Variants in GALNT15 observed in about 807,000 individuals in gnomAD.
The protein encoded by GALNT15 is UDP-GalNAc transferase T15.
GALNT15 carries 67 observed loss-of-function variants against 66.8 expected under a neutral mutation model. The ratio of observed to expected loss-of-function variants is 1.00; its 90% CI spans 0.82 to 1.23. GALNT15 has a LOEUF of 1.23. Ranked by LOEUF, GALNT15 falls within the 50% of genes most tolerant of loss-of-function variation. The pLI is 0.00. For synonymous variants in GALNT15, 313 were observed against 311.5 expected (o/e 1.00, Z -0.05); for missense variants, 827 against 804.3 (o/e 1.03, Z -0.34).
the GALNT15 span, among the ~76,000 whole-genome samples, chr3:16,240,995 A>T: frequency 6.6e-6 from 1 of 152,106 alleles, no homozygotes; most frequent in Admixed American, 6.6e-5. Context: ...CTCTGCACAG[A>T]ATGCCCTTCC....
In GALNT15 at chr3:16,195,359, CTG is replaced by C. The variant is rs745929739; in HGVS notation, c.540-400_540-399del. 2.6e-5 allele frequency among the ~76,000 whole-genome samples: 4 copies of C among 152,202 alleles called. No homozygotes were observed. The highest frequency in any genetic ancestry group is 5.9e-5 in the Non-Finnish European group (4 of 68,044). On this transcript the variant is annotated intron_variant, in intron 1 of 9. Transcript: ENST00000339732. The surrounding 1 kb of genome is among the most constrained non-coding windows in gnomAD (Gnocchi z 4.6). The stretch of plus-strand genomic sequence containing the variant: ...CAGCCCCACTCCATCTCCAGAAACT[CTG>C]GGGGTGGGCCCTGCAGTCAGTATTT...
Position 16,200,536 on chromosome 3 carries a change from A to G in GALNT15, c.707-83A>G. 10 of 1,134,002 alleles carry G rather than the reference A, an allele frequency of 8.8e-6. No individual in the cohort carries two copies. In the South Asian group the frequency reaches 1.9e-4, roughly 22 times the overall value. The allele number at this position is 1,134,002 out of a possible 1,614,324, so 70.2% of individuals were successfully genotyped here. A position where few individuals can be genotyped will look rare whatever the true frequency, so the allele number is the denominator to read the frequency against. On this transcript the variant is annotated intron_variant, in intron 2 of 9. Coordinates refer to ENST00000339732, the MANE Select transcript of GALNT15 (RefSeq NM_054110.5). This position sits in a 1 kb window ranked among gnomAD's most constrained non-coding sequence, Gnocchi z 4.4. The stretch of plus-strand genomic sequence containing the variant: ...AGGTGCTCACCACAGCTTCCAAAAG[A>G]GAGTTGCTGACGATTGTCTTAGTCA...
Position 16,222,656 on chromosome 3 carries a change from C to G in GALNT15, c.1671C>G (p.Ser557Arg), listed in dbSNP as rs1028986721. 3.7e-6 allele frequency: 6 copies of G among 1,614,224 alleles called. No homozygotes were observed. Among genetic ancestry groups the G allele is most frequent in the Non-Finnish European group, 5.1e-6 (6 of 1,180,042 alleles). ...HTSRKEIHFG[S>R]PQHLCFAVRQ... ...GCAGGAAGGAGATTCACTTTGGCAG[C>G]CCACAGCACCTGTGCTTTGCTGTCA... Residue 557 changes from serine to arginine, a missense_variant, in exon 9 of 10, where the codon AGC (serine) becomes AGG (arginine). Physicochemically the swap from Ser to Arg is moderately radical, Grantham distance 110. Coordinates refer to ENST00000339732, the MANE Select transcript of GALNT15 (RefSeq NM_054110.5).
chr3:16,221,237 A>T (rs544540592), intron 8 of GALNT15, among the ~76,000 whole-genome samples: 2 of 145,862 alleles, frequency 1.4e-5, no homozygotes, highest in South Asian at 2.2e-4. Flanking sequence ...TGCAAAAGGA[A>T]TATTAGCTCT....
Position 16,195,704 on chromosome 3 carries a change from G to A in GALNT15, c.540-56G>A. On this transcript the variant is annotated intron_variant, in intron 1 of 9. Coordinates refer to ENST00000339732, the MANE Select transcript of GALNT15 (RefSeq NM_054110.5). This position sits in a 1 kb window ranked among gnomAD's most constrained non-coding sequence, Gnocchi z 4.6. ...GCAAAGGAAGCGAGTTAGAGGGTGT[G>A]GAGTGTTTCTTGTGGCCTTCTCTTC... 59 of 1,509,666 alleles carry A rather than the reference G, an allele frequency of 3.9e-5. No homozygotes were observed. Among genetic ancestry groups the A allele is most frequent in the East Asian group, 1.4e-4 (6 of 43,912 alleles). The allele number at this position is 1,509,666 out of a possible 1,614,324, so 93.5% of individuals were successfully genotyped here.
At chr3:16,244,497 T>G in the GALNT15 span, among the ~76,000 whole-genome samples, 1 of 152,210 alleles carries the variant, frequency 6.6e-6, no homozygotes, top group African/African-American at 2.4e-5. Flanking sequence ...ATGCCAATAG[T>G]TGGCCCAGGC....
At chr3:16,215,785 C>T (rs1254924720) in intron 6 of GALNT15, among the ~76,000 whole-genome samples, 1 of 151,678 alleles carries the variant, frequency 6.6e-6, no homozygotes, top group Non-Finnish European at 1.5e-5. Flanking sequence ...TGACACGTGC[C>T]TATAGTCACA....
intron 1 of GALNT15, among the ~76,000 whole-genome samples, chr3:16,177,557 G>A (rs2063423211): frequency 2.0e-5 from 3 of 152,202 alleles, no homozygotes; most frequent in Non-Finnish European, 4.4e-5. Flanking sequence ...ATGTTACTTT[G>A]TGTATGTGAT....
Position 16,208,490 on chromosome 3 carries a change from C to T in GALNT15, c.912-13C>T, listed in dbSNP as rs1296433208. On this transcript the variant is annotated splice_polypyrimidine_tract_variant and intron_variant, in intron 3 of 9. Coordinates refer to ENST00000339732, the MANE Select transcript of GALNT15 (RefSeq NM_054110.5). ...GCTTTACGTCCCTTGTTTAATTCCA[C>T]AATTCTTTCCAGGAGCCGAGTGGTA... The T allele has an allele frequency of 1.9e-6, 3 of 1,613,024 alleles. No individual in the cohort carries two copies. Among genetic ancestry groups the T allele is most frequent in the Non-Finnish European group, 2.5e-6 (3 of 1,179,194 alleles).
rs531945507 is a variant in GALNT15, at chr3:16,204,653, A to G, written c.911+3830A>G. On this transcript the variant is annotated intron_variant, in intron 3 of 9. Coordinates refer to ENST00000339732, the MANE Select transcript of GALNT15 (RefSeq NM_054110.5). This position sits in a 1 kb window ranked among gnomAD's most constrained non-coding sequence, Gnocchi z 4.5. ...TGGAAGGATGAAGGTTTCTAAGGGGAAAGGGACAGTCTTGAAAGGGGCTGA... is the reference window on the plus strand; with the variant it reads ...TGGAAGGATGAAGGTTTCTAAGGGGGAAGGGACAGTCTTGAAAGGGGCTGA... 6.6e-6 allele frequency among the ~76,000 whole-genome samples: 1 copy of G among 152,310 alleles called. No individual in the cohort carries two copies. The highest frequency in any genetic ancestry group is 1.5e-5 in the Non-Finnish European group (1 of 68,028).
Position 16,228,116 on chromosome 3 carries a change from AG to A in GALNT15, c.*617del. On this transcript the variant is annotated 3_prime_UTR_variant, in exon 10 of 10. Coordinates refer to ENST00000339732, the MANE Select transcript of GALNT15 (RefSeq NM_054110.5). ...CTCCAGCTCAACCCAGCAGCTGAAA[AG>A]CTTCAAGAGATCTAGGAAAAGACAT... The A allele has an allele frequency of 1.0e-6, 1 of 986,044 alleles. No individual in the cohort carries two copies. Among genetic ancestry groups the A allele is most frequent in the African/African-American group, 1.7e-5 (1 of 57,352 alleles). The allele number at this position is 986,044 out of a possible 1,614,324, so 61.1% of individuals were successfully genotyped here. A position where few individuals can be genotyped will look rare whatever the true frequency, so the allele number is the denominator to read the frequency against.
At chr3:16,190,383 A>T (rs2124852243) in intron 1 of GALNT15, among the ~76,000 whole-genome samples, 1 of 152,342 alleles carries the variant, frequency 6.6e-6, no homozygotes, top group South Asian at 2.1e-4. Context: ...TGACGCCTGT[A>T]ATCCCAGCAC....
rs2063620540 is a variant in GALNT15, at chr3:16,195,330, T to A, written c.540-430T>A. Among the ~76,000 whole-genome samples, 1 of 152,114 alleles carries A rather than the reference T, an allele frequency of 6.6e-6. No homozygotes were observed. Among genetic ancestry groups the A allele is most frequent in the Non-Finnish European group, 1.5e-5 (1 of 68,036 alleles). On this transcript the variant is annotated intron_variant, in intron 1 of 9. Coordinates refer to ENST00000339732, the MANE Select transcript of GALNT15 (RefSeq NM_054110.5). This position sits in a 1 kb window ranked among gnomAD's most constrained non-coding sequence, Gnocchi z 4.6. ...CTGGGAGCTTGTTAGAAATGCAAAT[T>A]CTTCAGCCCCACTCCATCTCCAGAA...
intron 1 of GALNT15, among the ~76,000 whole-genome samples, chr3:16,177,646 T>C (rs1275266654): frequency 6.6e-6 from 1 of 152,260 alleles, no homozygotes; most frequent in Non-Finnish European, 1.5e-5. Flanking sequence ...ATGTGCATGG[T>C]TCATATATGT....
At chr3:16,232,487 TA>T (rs2064093606), downstream of GALNT15, among the ~76,000 whole-genome samples, 2 of 77,496 alleles carry the variant, frequency 2.6e-5, no homozygotes, top group African/African-American at 5.4e-5. Flanking sequence ...TATATATATA[TA>T]TATATATATA....
chr3:16,245,302 A>G, the GALNT15 span, among the ~76,000 whole-genome samples: 2 of 152,192 alleles, frequency 1.3e-5, no homozygotes, highest in Non-Finnish European at 2.9e-5. Context: ...ACCTGCATCC[A>G]GTCCTTGTCT....
rs1491187404 is a variant in GALNT15, at chr3:16,203,543, T to TCTCTCA, written c.911+2721_911+2722insTCTCAC. 6.6e-3 allele frequency among the ~76,000 whole-genome samples: 406 copies of TCTCTCA among 61,132 alleles called. 5 individuals are homozygous for TCTCTCA. Among genetic ancestry groups the TCTCTCA allele is most frequent in the African/African-American group, 0.013 (245 of 18,298 alleles). 40.1% of individuals were successfully genotyped at this position (61,132 alleles called of 152,430 possible). The stretch of plus-strand genomic sequence containing the variant: ...CATTCTCTCTCTCTCTCTCTCTCTC[T>TCTCTCA]CACACACACACACACACACACACAC... On this transcript the variant is annotated intron_variant, in intron 3 of 9. Transcript: ENST00000339732. The surrounding 1 kb of genome is among the most constrained non-coding windows in gnomAD (Gnocchi z 6.2).
chr3:16,244,044 A>T, the GALNT15 span: 2 of 982,354 alleles, frequency 2.0e-6, no homozygotes, highest in Non-Finnish European at 2.4e-6. Flanking sequence ...GAAGAGTGGC[A>T]GGCACCCATG....
At chr3:16,215,711 A>C (rs905795278) in intron 6 of GALNT15, among the ~76,000 whole-genome samples, 2 of 152,004 alleles carry the variant, frequency 1.3e-5, no homozygotes, top group African/African-American at 4.8e-5. Context: ...AGAAATCGAG[A>C]CCATCCTGGC....
Sources: allele counts gnomAD v4.1 joint callset (sites outside exome capture counted in the v4.1 genomes callset), GRCh38; gene constraint gnomAD v4.1.1; non-coding constraint Gnocchi (gnomAD v3.1); transcripts MANE v1.5; gene names NCBI Gene and HGNC (gene_info 2026-07-23, HGNC 2026-07-21).